RGS9: variants seen among roughly 807,000 people sequenced by gnomAD.
RGS9 encodes regulator of G protein signaling 9.
RGS9 carries 78 observed loss-of-function variants against 102.0 expected under a neutral mutation model. That is an observed-to-expected ratio of 0.76 (90% CI 0.64 to 0.92). RGS9 has a LOEUF of 0.92. Ranked by LOEUF, RGS9 falls within the 40% of genes least tolerant of loss-of-function variation. The probability of loss-of-function intolerance (pLI) is 0.00; values close to 1 mark genes in which losing one functional copy is unlikely to be tolerated. For synonymous variants in RGS9, 353 were observed against 318.6 expected, an observed-to-expected ratio of 1.11 and a Z score of -1.15; for missense variants, 833 against 866.1, an observed-to-expected ratio of 0.96 and a Z score of 0.48.
intron 9 of RGS9, among the ~76,000 whole-genome samples, chr17:65,183,740 G>C (rs1427910026): frequency 1.3e-5 from 2 of 152,060 alleles, no homozygotes; most frequent in Non-Finnish European, 2.9e-5. Flanking sequence ...TGGCTTGCTT[G>C]GCCCCCCACC....
Position 65,190,190 on chromosome 17 carries a change from C to G in RGS9, c.700C>G (p.Gln234Glu). ...TCTCTTCCAGATCATGTATTACCAA[C>G]AGGCCTTGATGAGGTCCACAGTGAA... ...AVKKEIMYYQ[Q>E]ALMRSTVKSS... The change falls in exon 11 of 19, where the codon CAG becomes GAG. Residue 234 changes from glutamine (Q) to glutamate (E), a missense_variant. Gln to Glu is a conservative substitution (Grantham distance 29). This residue lies in a region of RGS9 where 328 missense variants were observed against 340.6 expected (regional missense o/e 0.96). Transcript: ENST00000262406. The G allele has an allele frequency of 6.2e-7, 1 of 1,613,632 alleles. No individual in the cohort carries two copies. The highest frequency in any genetic ancestry group is 8.5e-7 in the Non-Finnish European group (1 of 1,179,520).
At chr17:65,205,531 A>T (rs1246828956) in intron 15 of RGS9, among the ~76,000 whole-genome samples, 1 of 152,128 alleles carries the variant, frequency 6.6e-6, no homozygotes, top group Non-Finnish European at 1.5e-5. Flanking sequence ...AGGTTATGTG[A>T]TATAGGCTAT....
At chr17:65,178,294 T>A (rs1478466914) in intron 9 of RGS9, among the ~76,000 whole-genome samples, 1 of 151,976 alleles carries the variant, frequency 6.6e-6, no homozygotes, top group Non-Finnish European at 1.5e-5. Context: ...CCCAGTGGAG[T>A]GGGATCTTTG....
chr17:65,198,517 A>G (rs866876522), intron 13 of RGS9, among the ~76,000 whole-genome samples: 4 of 152,104 alleles, frequency 2.6e-5, no homozygotes, highest in Non-Finnish European at 4.4e-5. Context: ...CGGCCTCCCA[A>G]AGTGTTGGGA....
chr17:65,190,101 T>G, intron 10 of RGS9, 74 bp from the exon 11 acceptor site: 1 of 1,212,324 alleles, frequency 8.2e-7, no homozygotes. Flanking sequence ...GGCTTCTGGG[T>G]TTGGAGGCTG....
In RGS9 at chr17:65,177,031, G is replaced by C. The variant is rs116731154; in HGVS notation, c.583-701G>C. ...CTTCATCCATCCATCTCACTATGGT[G>C]CTGGGGATGCCATTCATTTGTTTGT... On this transcript the variant is annotated intron_variant, in intron 8 of 18. Coordinates refer to ENST00000262406, the MANE Select transcript of RGS9 (RefSeq NM_003835.4). 6.5e-3 allele frequency among the ~76,000 whole-genome samples: 896 copies of C among 138,466 alleles called. 14 individuals carry two copies. Among genetic ancestry groups the C allele is most frequent in the African/African-American group, 0.023 (828 of 35,946 alleles). The allele number at this position is 138,466 out of a possible 152,430, so 90.8% of individuals were successfully genotyped here. A position where few individuals can be genotyped will look rare whatever the true frequency, so the allele number is the denominator to read the frequency against.
intron 8 of RGS9, among the ~76,000 whole-genome samples, chr17:65,175,573 G>A (rs1911594690): frequency 6.6e-6 from 1 of 152,110 alleles, no homozygotes; most frequent in Non-Finnish European, 1.5e-5. Flanking sequence ...AGTGGTCTCG[G>A]GGCACACTCA....
At chr17:65,219,601 T>C (rs532619535) in intron 17 of RGS9, among the ~76,000 whole-genome samples, 17 of 152,356 alleles carry the variant, frequency 1.1e-4, no homozygotes, top group Admixed American at 9.1e-4. Flanking sequence ...TATAAGTTAT[T>C]CTGTAAGTAC....
rs538240256 is a variant in RGS9, at chr17:65,197,950, C to A, written c.976+709C>A. On this transcript the variant is annotated intron_variant, in intron 13 of 18. Coordinates refer to ENST00000262406, the MANE Select transcript of RGS9 (RefSeq NM_003835.4). ...CCTCCCAAAGTGCTAGGATTACAGG[C>A]GTGAGCCACTGCGCCTGGCTTCCTG... Among the ~76,000 whole-genome samples, 12 of 152,286 alleles carry A rather than the reference C, an allele frequency of 7.9e-5. No individual in the cohort carries two copies. In the South Asian group the frequency reaches 2.1e-3, roughly 26 times the overall value.
intron 8 of RGS9, among the ~76,000 whole-genome samples, chr17:65,170,465 T>C (rs1182076827): frequency 6.6e-6 from 1 of 152,192 alleles, no homozygotes; most frequent in Non-Finnish European, 1.5e-5. Context: ...TTGCCCAAAG[T>C]TACACAGCTA....
intron 1 of RGS9, among the ~76,000 whole-genome samples, chr17:65,152,011 A>G (rs1197737821): frequency 6.6e-6 from 1 of 152,214 alleles, no homozygotes; most frequent in Non-Finnish European, 1.5e-5. Flanking sequence ...TGCACCACCG[A>G]CAATGTATTA....
At chr17:65,188,994 C>T (rs1477068603) in intron 9 of RGS9, 13 of 489,546 alleles carry the variant, frequency 2.7e-5, no homozygotes, top group Non-Finnish European at 4.1e-5. Flanking sequence ...AGGCACTATG[C>T]TAAACTGACA....
intron 8 of RGS9, 54 bp downstream of exon 8, chr17:65,168,335 A>C (rs1327563347): frequency 8.0e-7 from 1 of 1,247,442 alleles, no homozygotes; most frequent in Non-Finnish European, 1.2e-6. Context: ...TCCCACCTCC[A>C]TCCTGTGCTC....
chr17:65,148,954 GT>G (rs201719942), intron 1 of RGS9, among the ~76,000 whole-genome samples: 3 of 151,836 alleles, frequency 2.0e-5, no homozygotes, highest in South Asian at 2.1e-4. Context: ...TGGTTTTGGT[GT>G]TTTTTTTGTT....
intron 9 of RGS9, among the ~76,000 whole-genome samples, chr17:65,183,098 A>ATCTATCTATCTG (rs1911957497): frequency 6.6e-6 from 1 of 151,164 alleles, no homozygotes; most frequent in East Asian, 2.0e-4. Context: ...CTATCTATCT[A>ATCTATCTATCTG]TCTATCTATC....
chr17:65,165,660 C>G (rs1911149421), intron 7 of RGS9, among the ~76,000 whole-genome samples: 1 of 152,122 alleles, frequency 6.6e-6, no homozygotes, highest in Non-Finnish European at 1.5e-5. Flanking sequence ...TGCCCCTACC[C>G]TGGTTGAACC....
chr17:65,177,781 C>T lies in RGS9; in HGVS notation c.632C>T (p.Pro211Leu), dbSNP rs145263061. Reference protein sequence around the residue: ...LDYGLDRVTNPNEVKVNQKQT... With the variant: ...LDYGLDRVTNLNEVKVNQKQT... The stretch of plus-strand genomic sequence containing the variant: ...TACGGCCTGGACCGAGTGACCAATC[C>T]GAATGAAGTCAAGGTAAACCAGGTA... Residue 211 changes from proline to leucine, a missense_variant, in exon 9 of 19, where the codon CCG becomes CTG. By Grantham distance (98) the Pro-to-Leu change is moderately conservative. Transcript: ENST00000262406. 61 of 1,614,030 alleles carry T rather than the reference C, an allele frequency of 3.8e-5. No homozygotes were observed. In the South Asian group the frequency reaches 4.4e-4, roughly 12 times the overall value.
At chr17:65,148,489 C>T (rs910465715) in intron 1 of RGS9, among the ~76,000 whole-genome samples, 16 of 152,190 alleles carry the variant, frequency 1.1e-4, no homozygotes, top group African/African-American at 3.9e-4. Context: ...GATGAACCTC[C>T]ATACTGTTTT....
chr17:65,171,129 A>G (rs1397976012), intron 8 of RGS9, among the ~76,000 whole-genome samples: 1 of 152,184 alleles, frequency 6.6e-6, no homozygotes, highest in Non-Finnish European at 1.5e-5. Flanking sequence ...ACAGTTGTAG[A>G]GTGAGACGTG....
Sources: allele counts gnomAD v4.1 joint callset (sites outside exome capture counted in the v4.1 genomes callset), GRCh38; gene constraint gnomAD v4.1.1; regional missense constraint gnomAD v4.1.1; transcripts MANE v1.5; gene names NCBI Gene and HGNC (gene_info 2026-07-23, HGNC 2026-07-21).